The following WWOX variants were observed in gnomAD, a reference collection of about 807,000 sequenced individuals.
WWOX encodes the protein WW domain containing oxidoreductase, also known as WW domain-containing oxidoreductase.
A neutral mutation model predicts 46.2 loss-of-function variants in WWOX; 69 were observed. The ratio of observed to expected loss-of-function variants is 1.49; its 90% CI spans 1.23 to 1.82. WWOX has a LOEUF of 1.82. Ranked by LOEUF, WWOX falls within the 40% of genes most tolerant of loss-of-function variation. The probability of loss-of-function intolerance (pLI) is 0.00; values close to 1 mark genes in which losing one functional copy is unlikely to be tolerated. For synonymous variants in WWOX, 359 were observed against 202.6 expected (o/e 1.77, Z -6.56); for missense variants, 919 against 542.6 (o/e 1.69, Z -6.89).
At chr16:78,863,156 C>G (rs1278603258) in intron 8 of WWOX, among the ~76,000 whole-genome samples, 1 of 151,994 alleles carries the variant, frequency 6.6e-6, no homozygotes, top group Non-Finnish European at 1.5e-5. Context: ...TGGGGTTTCA[C>G]CATGTTGGCC....
intron 8 of WWOX, among the ~76,000 whole-genome samples, chr16:78,963,624 ATAAT>A (rs1302888487): frequency 6.6e-6 from 1 of 152,212 alleles, no homozygotes; most frequent in African/African-American, 2.4e-5. Context: ...CTTTTTAAAA[ATAAT>A]TAAGGTGATG....
intron 8 of WWOX, among the ~76,000 whole-genome samples, chr16:78,764,955 A>C (rs1418931482): frequency 1.3e-5 from 2 of 152,322 alleles, no homozygotes; most frequent in East Asian, 3.9e-4. Flanking sequence ...ACATCTGCTT[A>C]CAATATTTTT....
In WWOX at chr16:78,896,453, C is replaced by G. The variant is rs150360659; in HGVS notation, c.1057-315155C>G. The G allele has an allele frequency of 2.6e-4, 39 of 152,270 alleles. 1 individual carries two copies. The East Asian group carries it at 7.5e-3, about 29-fold the overall frequency. 9.4% of individuals were successfully genotyped at this position (152,270 alleles called of 1,614,324 possible). On this transcript the variant is annotated intron_variant, in intron 8 of 8. Coordinates refer to ENST00000566780, the MANE Select transcript of WWOX (RefSeq NM_016373.4). ...TAGCACACTGAAGCCACACCGCAAA[C>G]TTGTGAGGCCAGCGTTGCTTCCCCT...
intron 6 of WWOX, among the ~76,000 whole-genome samples, chr16:78,404,481 A>C (rs781669324): frequency 6.6e-6 from 1 of 151,768 alleles, no homozygotes; most frequent in Non-Finnish European, 1.5e-5. Context: ...TGCCACCCCA[A>C]CCCTCCTCAT....
intron 8 of WWOX, among the ~76,000 whole-genome samples, chr16:78,852,426 C>G (rs1214280230): frequency 1.3e-5 from 2 of 152,160 alleles, no homozygotes; most frequent in Non-Finnish European, 2.9e-5. Flanking sequence ...CAAACAGCAC[C>G]ATGGGGAGAT....
chr16:78,341,559 G>T (rs1480800045), intron 5 of WWOX, among the ~76,000 whole-genome samples: 2 of 120,374 alleles, frequency 1.7e-5, no homozygotes, highest in African/African-American at 5.6e-5. Context: ...CTTGGTGTCT[G>T]TGTACTTGGA....
intron 4 of WWOX, among the ~76,000 whole-genome samples, chr16:78,144,764 G>A (rs1379365598): frequency 5.3e-5 from 8 of 151,268 alleles, no homozygotes; most frequent in Admixed American, 2.6e-4. Flanking sequence ...CAAGAAATCC[G>A]CCCACCTTGG....
chr16:78,942,752 A>G (rs890714447), intron 8 of WWOX, among the ~76,000 whole-genome samples: 16 of 152,184 alleles, frequency 1.1e-4, no homozygotes, highest in Non-Finnish European at 4.4e-5. Context: ...ATTTTGAGAC[A>G]TCATTGTGCA....
chr16:78,777,903 G>C (rs1017266962), intron 8 of WWOX, among the ~76,000 whole-genome samples: 1 of 151,964 alleles, frequency 6.6e-6, no homozygotes, highest in Non-Finnish European at 1.5e-5. Flanking sequence ...AAATGAGCTG[G>C]GTGTGGTGGC....
chr16:78,651,624 C>T (rs1056586685), intron 8 of WWOX, among the ~76,000 whole-genome samples: 5 of 152,208 alleles, frequency 3.3e-5, no homozygotes, highest in African/African-American at 1.2e-4. Flanking sequence ...TGCTATTGCT[C>T]ACACAGACCC....
At chr16:78,406,299 T>A (rs1177292928) in intron 6 of WWOX, among the ~76,000 whole-genome samples, 5 of 78,184 alleles carry the variant, frequency 6.4e-5, no homozygotes, top group Non-Finnish European at 9.9e-5. Flanking sequence ...AGCATATAAA[T>A]ATAAATATAT....
chr16:79,011,917 T>G (rs1287751169), intron 8 of WWOX, among the ~76,000 whole-genome samples: 1 of 152,108 alleles, frequency 6.6e-6, no homozygotes, highest in Non-Finnish European at 1.5e-5. Flanking sequence ...GCCTCCTGAG[T>G]CACTGGAATT....
chr16:78,450,125 C>T (rs541885417), intron 8 of WWOX, among the ~76,000 whole-genome samples: 2 of 152,116 alleles, frequency 1.3e-5, no homozygotes, highest in South Asian at 2.1e-4. Flanking sequence ...TAAAGCCAAC[C>T]ATGTTAAAAA....
chr16:79,108,765 G>C (rs2049359156), intron 8 of WWOX, among the ~76,000 whole-genome samples: 1 of 152,104 alleles, frequency 6.6e-6, no homozygotes, highest in Non-Finnish European at 1.5e-5. Flanking sequence ...GTTAGGTGTA[G>C]TGGCGTGTGC....
intron 8 of WWOX, among the ~76,000 whole-genome samples, chr16:79,001,150 C>T (rs554739562): frequency 4.6e-5 from 7 of 152,156 alleles, no homozygotes; most frequent in African/African-American, 2.4e-5. Flanking sequence ...CAGGGAGCTG[C>T]GATTTAATTT....
At chr16:78,181,717 A>G (rs1056152598) in intron 5 of WWOX, among the ~76,000 whole-genome samples, 4 of 152,194 alleles carry the variant, frequency 2.6e-5, no homozygotes, top group Non-Finnish European at 5.9e-5. Flanking sequence ...TCTGAGGAAC[A>G]CAGGAATTTA....
chr16:78,235,458 A>T (rs1432345207), intron 5 of WWOX, among the ~76,000 whole-genome samples: 1 of 152,302 alleles, frequency 6.6e-6, no homozygotes, highest in Middle Eastern at 3.4e-3. Flanking sequence ...AAGGGACAGC[A>T]GAACCCTGAC....
At position 79,212,494 on chromosome 16, in the gene WWOX, G is replaced by C. The variant is rs773927808; in HGVS notation, c.*698G>C. On this transcript the variant is annotated 3_prime_UTR_variant, in exon 9 of 9. Coordinates refer to ENST00000566780, the MANE Select transcript of WWOX (RefSeq NM_016373.4). ...CCTTAGATACCTTGAAAGGCAGGAA[G>C]GGAAGCGTATATACTTAAGAATACA... 1.4e-5 allele frequency: 3 copies of C among 218,524 alleles called. No homozygotes were observed. The highest frequency in any genetic ancestry group is 2.8e-5 in the Non-Finnish European group (3 of 108,224). 13.5% of individuals were successfully genotyped at this position (218,524 alleles called of 1,614,324 possible).
At chr16:78,874,882 A>G (rs2151207152) in intron 8 of WWOX, among the ~76,000 whole-genome samples, 1 of 152,156 alleles carries the variant, frequency 6.6e-6, no homozygotes, top group South Asian at 2.1e-4. Context: ...GATCCCTCAG[A>G]TAGGCCCAAG....
Sources: allele counts gnomAD v4.1 joint callset (sites outside exome capture counted in the v4.1 genomes callset), GRCh38; gene constraint gnomAD v4.1.1; transcripts MANE v1.5; gene names NCBI Gene and HGNC (gene_info 2026-07-23, HGNC 2026-07-21).